Variants in CAMTA1 observed in about 807,000 individuals in gnomAD.
The protein encoded by CAMTA1 is calmodulin-binding transcription activator 1.
Under a neutral mutation model 170.9 loss-of-function variants are expected in CAMTA1, and 27 were observed. The ratio of observed to expected loss-of-function variants is 0.16; its 90% CI spans 0.12 to 0.22. The LOEUF (loss-of-function observed/expected upper bound fraction) is 0.22. CAMTA1 is among the 10% of genes least tolerant of loss of function. CAMTA1 has a pLI of 1.00. For missense variants in CAMTA1, 1,619 were observed against 2,217.2 expected (o/e 0.73, Z 5.42); for synonymous variants, 833 against 891.5 (o/e 0.93, Z 1.17).
chr1:7,247,901 G>A lies in CAMTA1; in HGVS notation c.303-1590G>A, dbSNP rs540660468. 2.9e-4 allele frequency among the ~76,000 whole-genome samples: 44 copies of A among 152,282 alleles called. No individual in the cohort carries two copies. The South Asian group carries it at 4.6e-3, about 16-fold the overall frequency. ...TTGTAAGCAGGAGACAGATACCAGC[G>A]GGTGACAGCATTGTGACAAGCGCGT... is the stretch of plus-strand genomic sequence containing the variant. On this transcript the variant is annotated intron_variant, in intron 4 of 22. Coordinates refer to ENST00000303635, the MANE Select transcript of CAMTA1 (RefSeq NM_015215.4).
intron 3 of CAMTA1, among the ~76,000 whole-genome samples, chr1:6,870,360 C>A (rs74398293): frequency 0.015 from 2,220 of 151,722 alleles, 49 homozygotes; most frequent in African/African-American, 0.051. Context: ...AAAAAAAAAA[C>A]ATTGTGTTTT....
rs78364512 is a variant in CAMTA1, at chr1:7,691,886, C to A, written c.2914+14153C>A. ...GGCCAAGAACTTCTGTCTTAATTAT[C>A]ATTGTGCCCCAGTGTAGGGGTCCAG... On this transcript the variant is annotated intron_variant, in intron 11 of 22. Coordinates refer to ENST00000303635, the MANE Select transcript of CAMTA1 (RefSeq NM_015215.4). Among the ~76,000 whole-genome samples the A allele has an allele frequency of 3.0e-3, 448 of 150,452 alleles. 2 individuals carry two copies. Among genetic ancestry groups the A allele is most frequent in the African/African-American group, 0.01 (425 of 41,090 alleles).
intron 3 of CAMTA1, chr1:6,886,155 G>A (rs756766396): frequency 7.3e-5 from 33 of 452,302 alleles, no homozygotes; most frequent in Non-Finnish European, 1.4e-4. Flanking sequence ...AGTGACAGTG[G>A]GGTAACATAC....
At chr1:7,099,025 G>A (rs1341198863) in intron 4 of CAMTA1, among the ~76,000 whole-genome samples, 2 of 152,098 alleles carry the variant, frequency 1.3e-5, no homozygotes, top group Admixed American at 6.6e-5. Context: ...ACGACCTGTG[G>A]CTCCTGCCCA....
intron 3 of CAMTA1, among the ~76,000 whole-genome samples, chr1:7,035,877 A>C (rs1431416889): frequency 6.6e-6 from 1 of 152,260 alleles, no homozygotes; most frequent in East Asian, 1.9e-4. Flanking sequence ...ATTCTTATAT[A>C]ATGAAATAGT....
intron 3 of CAMTA1, among the ~76,000 whole-genome samples, chr1:7,037,339 G>A (rs570488789): frequency 5.9e-5 from 9 of 152,302 alleles, no homozygotes; most frequent in Admixed American, 1.3e-4. Flanking sequence ...GGAGGGGTGC[G>A]TGAGGCAGAG....
chr1:6,907,176 G>A (rs967053691), intron 3 of CAMTA1, among the ~76,000 whole-genome samples: 1 of 152,222 alleles, frequency 6.6e-6, no homozygotes, highest in Non-Finnish European at 1.5e-5. Flanking sequence ...GTGTCCTTGA[G>A]TTGGTAAAAC....
At chr1:7,684,613 T>C (rs1041790427) in intron 11 of CAMTA1, among the ~76,000 whole-genome samples, 2 of 152,246 alleles carry the variant, frequency 1.3e-5, no homozygotes, top group Non-Finnish European at 2.9e-5. Flanking sequence ...TGCGTGTGTC[T>C]GTGTCCCTAC....
intron 4 of CAMTA1, among the ~76,000 whole-genome samples, chr1:7,212,646 A>G (rs193187916): frequency 2.0e-5 from 3 of 152,270 alleles, no homozygotes; most frequent in African/African-American, 7.2e-5. Context: ...CATCTTGAAA[A>G]CTATAGTAGA....
chr1:7,124,640 A>G (rs1289532423), intron 4 of CAMTA1, among the ~76,000 whole-genome samples: 1 of 152,174 alleles, frequency 6.6e-6, no homozygotes, highest in Non-Finnish European at 1.5e-5. Flanking sequence ...TTGCTGACTG[A>G]TCTTTCTGGC....
Position 7,680,252 on chromosome 1 carries a change from C to A in CAMTA1, c.2914+2519C>A. On this transcript the variant is annotated intron_variant, in intron 11 of 22. Coordinates refer to ENST00000303635, the MANE Select transcript of CAMTA1 (RefSeq NM_015215.4). This position sits in a 1 kb window ranked among gnomAD's most constrained non-coding sequence, Gnocchi z 4.4. ...GTTCCCCGCCTGTCCCTCCCGGCCC[C>A]TCCCCTCGGTCTCCGCAGCTTCTCG... The A allele has an allele frequency of 4.2e-6, 1 of 236,160 alleles. No individual in the cohort carries two copies. Among genetic ancestry groups the A allele is most frequent in the South Asian group, 3.5e-5 (1 of 28,364 alleles). The allele number at this position is 236,160 out of a possible 1,614,324, so 14.6% of individuals were successfully genotyped here. A position where few individuals can be genotyped will look rare whatever the true frequency, so the allele number is the denominator to read the frequency against.
intron 3 of CAMTA1, among the ~76,000 whole-genome samples, chr1:7,031,993 T>C (rs1307882291): frequency 6.6e-6 from 1 of 152,086 alleles, no homozygotes; most frequent in Non-Finnish European, 1.5e-5. Context: ...TGAGATGGAG[T>C]CCTGCTCTGT....
At chr1:7,331,981 A>G (rs2083062107) in intron 5 of CAMTA1, among the ~76,000 whole-genome samples, 1 of 152,206 alleles carries the variant, frequency 6.6e-6, no homozygotes, top group African/African-American at 2.4e-5. Context: ...TTTGTGCAGA[A>G]AGATTGGCTT....
chr1:7,392,631 T>C (rs1441234830), intron 5 of CAMTA1, among the ~76,000 whole-genome samples: 1 of 151,352 alleles, frequency 6.6e-6, no homozygotes, highest in African/African-American at 2.4e-5. Context: ...CCTAGCATTT[T>C]GGGAGGCCAA....
At chr1:7,591,990 G>T (rs112480905) in intron 6 of CAMTA1, among the ~76,000 whole-genome samples, 1 of 152,102 alleles carries the variant, frequency 6.6e-6, no homozygotes, top group African/African-American at 2.4e-5. Context: ...CCTCCGCCTT[G>T]TGGGTTCAAG....
At chr1:6,859,376 A>G (rs920431827) in intron 3 of CAMTA1, among the ~76,000 whole-genome samples, 2 of 152,190 alleles carry the variant, frequency 1.3e-5, no homozygotes, top group African/African-American at 4.8e-5. Context: ...TTTTCAGCCA[A>G]TCCCTTATTG....
chr1:6,797,527 A>G (rs1570017352), intron 1 of CAMTA1, among the ~76,000 whole-genome samples: 1 of 150,846 alleles, frequency 6.6e-6, no homozygotes, highest in Non-Finnish European at 1.5e-5. Flanking sequence ...CTGGGATTAC[A>G]TGCATGCACC....
chr1:7,419,870 C>T (rs779538174), intron 5 of CAMTA1, among the ~76,000 whole-genome samples: 26 of 152,214 alleles, frequency 1.7e-4, no homozygotes, highest in African/African-American at 5.3e-4. Flanking sequence ...GGAGATCCTG[C>T]GGGCTCTTCC....
intron 3 of CAMTA1, among the ~76,000 whole-genome samples, chr1:6,883,975 A>G (rs770844556): frequency 1.9e-4 from 29 of 152,170 alleles, no homozygotes; most frequent in South Asian, 6.2e-4. Context: ...AAATTGGTAT[A>G]TATCTTATAT....
Sources: allele counts gnomAD v4.1 joint callset (sites outside exome capture counted in the v4.1 genomes callset), GRCh38; gene constraint gnomAD v4.1.1; non-coding constraint Gnocchi (gnomAD v3.1); transcripts MANE v1.5; gene names NCBI Gene and HGNC (gene_info 2026-07-23, HGNC 2026-07-21).